Variants in MALRD1 observed in about 807,000 individuals in gnomAD.
The protein encoded by MALRD1 is MAM and LDL receptor class A domain containing 1.
In MALRD1, 247 loss-of-function variants were observed where a neutral mutation model predicts 242.1. The observed-to-expected ratio is 1.02, with a 90% CI of 0.92 to 1.13. The LOEUF (loss-of-function observed/expected upper bound fraction) is 1.13, where lower values mean the gene tolerates loss of function less well. Among genes scored for constraint, MALRD1 ranks in the 50% most tolerant of loss-of-function variants. MALRD1 has a pLI of 0.00. For missense variants in MALRD1, 2,989 were observed against 2,533.1 expected, an observed-to-expected ratio of 1.18 and a Z score of -3.86; for synonymous variants, 995 against 866.6, an observed-to-expected ratio of 1.15 and a Z score of -2.60.
At chr10:19,581,205 C>CTTTATTTA (rs139388555) in intron 33 of MALRD1, among the ~76,000 whole-genome samples, 2 of 148,980 alleles carry the variant, frequency 1.3e-5, no homozygotes, top group Admixed American at 6.7e-5. Flanking sequence ...TTCTTGTAAT[C>CTTTATTTA]TTTATTTATT....
chr10:19,321,224 GTCT>G (rs1365213800), intron 21 of MALRD1, among the ~76,000 whole-genome samples: 1 of 152,058 alleles, frequency 6.6e-6, no homozygotes, highest in Admixed American at 6.6e-5. Context: ...GGCTATTCCT[GTCT>G]TCTTGTATTT....
chr10:19,398,699 T>C (rs1846694571), intron 28 of MALRD1, among the ~76,000 whole-genome samples: 1 of 152,226 alleles, frequency 6.6e-6, no homozygotes, highest in Non-Finnish European at 1.5e-5. Context: ...GAAGAATTTT[T>C]AATTTTATGA....
chr10:19,229,505 A>G (rs1205590930), intron 18 of MALRD1, among the ~76,000 whole-genome samples: 1 of 152,136 alleles, frequency 6.6e-6, no homozygotes, highest in South Asian at 2.1e-4. Flanking sequence ...GCTGATCTCT[A>G]TTAGAACCAT....
At chr10:19,310,938 C>T (rs1329076143) in intron 21 of MALRD1, among the ~76,000 whole-genome samples, 1 of 151,494 alleles carries the variant, frequency 6.6e-6, no homozygotes, top group African/African-American at 2.4e-5. Flanking sequence ...AGGGAAACGA[C>T]ACTGACTAAT....
chr10:19,336,389 T>G (rs1201668148), intron 24 of MALRD1, among the ~76,000 whole-genome samples: 1 of 152,192 alleles, frequency 6.6e-6, no homozygotes, highest in Non-Finnish European at 1.5e-5. Context: ...GCAATAGAGT[T>G]GACCAACACA....
intron 19 of MALRD1, among the ~76,000 whole-genome samples, chr10:19,259,471 A>C (rs2484085): frequency 0.91 from 138,441 of 152,190 alleles, 63,181 homozygotes; most frequent in East Asian, 1. Context: ...AGCAAAGTCA[A>C]GTCTTACAAG....
chr10:19,377,354 T>G (rs1845651315), intron 26 of MALRD1, among the ~76,000 whole-genome samples: 1 of 152,158 alleles, frequency 6.6e-6, no homozygotes, highest in Non-Finnish European at 1.5e-5. Context: ...ACTAACATTT[T>G]CTTACTAAAA....
In MALRD1 at chr10:19,198,875, TA is replaced by T. The variant is rs201169666; in HGVS notation, c.1952-4850del. Among the ~76,000 whole-genome samples, 1,457 of 152,346 alleles carry T rather than the reference TA, an allele frequency of 9.6e-3. 25 individuals carry two copies. Among genetic ancestry groups the T allele is most frequent in the African/African-American group, 0.033 (1,376 of 41,578 alleles). On this transcript the variant is annotated intron_variant, in intron 14 of 39. Coordinates refer to ENST00000454679, the MANE Select transcript of MALRD1 (RefSeq NM_001142308.3). ...TCCCTTACTATTGTATATTTTATTT[TA>T]AATAATTAATGACTATTAACTATTG... is the stretch of plus-strand genomic sequence containing the variant.
chr10:19,671,218 T>A (rs1055592164), intron 36 of MALRD1, among the ~76,000 whole-genome samples: 29 of 152,162 alleles, frequency 1.9e-4, no homozygotes, highest in African/African-American at 5.6e-4. Context: ...TAAAACCCCT[T>A]CTATTTAGTA....
chr10:19,539,857 CGTGTGTGTGT>C (rs368123598), intron 32 of MALRD1, among the ~76,000 whole-genome samples: 1,606 of 127,008 alleles, frequency 0.013, 25 homozygotes, highest in South Asian at 0.045. Flanking sequence ...CAGCTTTGTG[CGTGTGTGTGT>C]GTGTGTGTGT....
chr10:19,106,164 A>G (rs1002256773), intron 5 of MALRD1, among the ~76,000 whole-genome samples: 1 of 151,796 alleles, frequency 6.6e-6, no homozygotes, highest in Non-Finnish European at 1.5e-5. Context: ...CCACCCACTC[A>G]CCCTTCACAG....
chr10:19,547,123 G>C (rs1209944677), intron 32 of MALRD1, among the ~76,000 whole-genome samples: 1 of 152,010 alleles, frequency 6.6e-6, no homozygotes. Flanking sequence ...AATGCTACAT[G>C]GGTCATTTTG....
chr10:19,585,784 T>G (rs1363506496), intron 33 of MALRD1, among the ~76,000 whole-genome samples: 1 of 152,200 alleles, frequency 6.6e-6, no homozygotes, highest in South Asian at 2.1e-4. Flanking sequence ...CCTTGCTAGA[T>G]TGGGGAAGTT....
intron 14 of MALRD1, among the ~76,000 whole-genome samples, chr10:19,200,563 C>T (rs1485842900): frequency 6.6e-6 from 1 of 150,736 alleles, no homozygotes; most frequent in African/African-American, 2.4e-5. Flanking sequence ...CATACTGAAC[C>T]ATCAGAGAAG....
Position 19,136,787 on chromosome 10 carries a change from T to C in MALRD1, c.1411+6T>C. The stretch of plus-strand genomic sequence containing the variant: ...TGAAGACCCAGCAACTTGCTGTAAG[T>C]GAGTGAATGGCTTACTAGTTTACAT... On this transcript the variant is annotated splice_donor_region_variant and intron_variant, in intron 10 of 39. Coordinates refer to ENST00000454679, the MANE Select transcript of MALRD1 (RefSeq NM_001142308.3). 8.1e-7 allele frequency: 1 copy of C among 1,229,860 alleles called. No homozygotes were observed. The highest frequency in any genetic ancestry group is 1.0e-6 in the Non-Finnish European group (1 of 986,286). The allele number at this position is 1,229,860 out of a possible 1,614,324, so 76.2% of individuals were successfully genotyped here. A position where few individuals can be genotyped will look rare whatever the true frequency, so the allele number is the denominator to read the frequency against.
At chr10:19,550,569 C>G (rs563189766) in intron 32 of MALRD1, among the ~76,000 whole-genome samples, 3 of 152,232 alleles carry the variant, frequency 2.0e-5, no homozygotes, top group Non-Finnish European at 4.4e-5. Flanking sequence ...TCATTTAGCT[C>G]CCACTTAAGT....
intron 29 of MALRD1, among the ~76,000 whole-genome samples, chr10:19,484,061 G>T (rs1043393910): frequency 6.6e-6 from 1 of 152,100 alleles, no homozygotes; most frequent in South Asian, 2.1e-4. Context: ...TTAACATGAG[G>T]CCTAAACCTT....
At chr10:19,145,589 T>G (rs1048925422) in intron 10 of MALRD1, among the ~76,000 whole-genome samples, 3 of 151,358 alleles carry the variant, frequency 2.0e-5, no homozygotes, top group Admixed American at 2.0e-4. Context: ...GAGATTGCAT[T>G]CAGACATTGA....
intron 33 of MALRD1, among the ~76,000 whole-genome samples, chr10:19,588,822 T>C (rs1006850033): frequency 6.6e-6 from 1 of 152,184 alleles, no homozygotes; most frequent in Admixed American, 6.5e-5. Flanking sequence ...TTTGTATTTT[T>C]AGTAGAGATA....
Sources: gnomAD v4.1 joint callset for allele counts (sites outside exome capture counted in the v4.1 genomes callset) on GRCh38, gnomAD v4.1.1 for gene constraint, MANE v1.5 for transcripts, NCBI Gene and HGNC (gene_info 2026-07-23, HGNC 2026-07-21) for gene names.